CFAP53: variants seen among roughly 807,000 people sequenced by gnomAD.
CFAP53 encodes the protein cilia- and flagella-associated protein 53.
A neutral mutation model predicts 59.7 loss-of-function variants in CFAP53; 62 were observed. The observed-to-expected ratio is 1.04, with a 90% CI of 0.85 to 1.28. The LOEUF is 1.28. Among genes scored for constraint, CFAP53 ranks in the 50% most tolerant of loss-of-function variants. CFAP53 has a pLI of 0.00. For synonymous variants in CFAP53, 218 were observed against 205.7 expected, an observed-to-expected ratio of 1.06 and a Z score of -0.51; for missense variants, 629 against 615.6, an observed-to-expected ratio of 1.02 and a Z score of -0.23.
chr18:50,264,743 C>T lies in CFAP53; in HGVS notation c.69+1593G>A, dbSNP rs972218467. ...CTTAGGTGCAAAGTATTCAATAAGC[C>T]CGCTTCTCTGGTTTAGTGTTTTTGT... is the stretch of plus-strand genomic sequence containing the variant. On this transcript the variant is annotated intron_variant, in intron 1 of 7. Transcript: ENST00000398545. 2.0e-5 allele frequency among the ~76,000 whole-genome samples: 3 copies of T among 152,212 alleles called. No homozygotes were observed. In the South Asian group the frequency reaches 6.2e-4, roughly 31 times the overall value.
At chr18:50,233,901 C>T (rs1276796466) in intron 7 of CFAP53, among the ~76,000 whole-genome samples, 1 of 152,194 alleles carries the variant, frequency 6.6e-6, no homozygotes, top group Admixed American at 6.5e-5. Flanking sequence ...GGAGGGGAGC[C>T]TAGGCCAATT....
intron 6 of CFAP53, among the ~76,000 whole-genome samples, chr18:50,240,250 C>G (rs1232820411): frequency 1.3e-5 from 2 of 151,924 alleles, no homozygotes; most frequent in Admixed American, 1.3e-4. Context: ...CTGACTCATT[C>G]TGATCACCTA....
chr18:50,227,604 T>C lies in CFAP53; in HGVS notation c.1322A>G (p.Gln441Arg), dbSNP rs2033537852. ...CEEKENFARR[Q>R]RLAQEYRKQL... ...CTTCCTGTACTCCTGGGCTAAACGTTGGCGTCTAAAGTATTAGAAATGTCA... is the reference window on the plus strand; with the variant it reads ...CTTCCTGTACTCCTGGGCTAAACGTCGGCGTCTAAAGTATTAGAAATGTCA... Residue 441 changes from glutamine to arginine, a missense_variant, in exon 8 of 8, where the codon CAA becomes CGA. Coordinates refer to ENST00000398545, the MANE Select transcript of CFAP53 (RefSeq NM_145020.5). 1 of 1,612,814 alleles carries C rather than the reference T, an allele frequency of 6.2e-7. No homozygotes were observed. The highest frequency in any genetic ancestry group is 1.1e-5 in the South Asian group (1 of 91,062).
chr18:50,259,510 A>G (rs559211414), intron 3 of CFAP53, among the ~76,000 whole-genome samples: 6 of 152,232 alleles, frequency 3.9e-5, no homozygotes, highest in African/African-American at 1.4e-4. Flanking sequence ...AAAAAAAAAA[A>G]AAAGAATGAA....
chr18:50,264,206 A>G (rs2033917651), intron 1 of CFAP53, among the ~76,000 whole-genome samples: 1 of 152,244 alleles, frequency 6.6e-6, no homozygotes. Flanking sequence ...CCTATTGGAC[A>G]TCACAGCTCT....
At chr18:50,235,249 G>T (rs2033621984) in intron 7 of CFAP53, among the ~76,000 whole-genome samples, 5 of 152,192 alleles carry the variant, frequency 3.3e-5, no homozygotes, top group Admixed American at 1.3e-4. Context: ...GCTATGGGTT[G>T]CCCTACTTCT....
intron 4 of CFAP53, 39 bp from the exon 5 acceptor site, chr18:50,251,015 G>C (rs769053101): frequency 7.1e-6 from 11 of 1,542,784 alleles, no homozygotes; most frequent in Non-Finnish European, 9.8e-6. Flanking sequence ...CATCAGTACA[G>C]TTGGACAAGA....
At chr18:50,251,327 T>G (rs1214852697) in intron 4 of CFAP53, among the ~76,000 whole-genome samples, 154 bp downstream of exon 4, 1 of 152,206 alleles carries the variant, frequency 6.6e-6, no homozygotes, top group African/African-American at 2.4e-5. Flanking sequence ...CACCACACAT[T>G]TGGATACATT....
intron 6 of CFAP53, among the ~76,000 whole-genome samples, chr18:50,240,874 G>A (rs1201873070): frequency 1.3e-5 from 2 of 152,140 alleles, no homozygotes; most frequent in South Asian, 2.1e-4. Context: ...GTTTATTGCC[G>A]CTCTGGTCCA....
chr18:50,242,106 C>T (rs1436976844), intron 6 of CFAP53, among the ~76,000 whole-genome samples: 4 of 152,246 alleles, frequency 2.6e-5, no homozygotes, highest in Non-Finnish European at 5.9e-5. Flanking sequence ...AAAAACATGG[C>T]TCTATTCTGC....
At position 50,250,920 on chromosome 18, in the gene CFAP53, C is replaced by A; in HGVS notation, c.834G>T (p.Gln278His). ...HENEQDMLKK[Q>H]KAKQETRTIL... ...TGGTCCTAGTTTCCTGCTTTGCCTTCTGTTTCTTTAGCATATCCTGTTCAT... is the reference window on the plus strand; with the variant it reads ...TGGTCCTAGTTTCCTGCTTTGCCTTATGTTTCTTTAGCATATCCTGTTCAT... The change falls in exon 5 of 8, where the codon CAG becomes CAT. Residue 278 changes from glutamine to histidine, a missense_variant. Transcript: ENST00000398545. 2 of 1,614,168 alleles carry A rather than the reference C, an allele frequency of 1.2e-6. No homozygotes were observed. The highest frequency in any genetic ancestry group is 1.7e-6 in the Non-Finnish European group (2 of 1,180,038).
chr18:50,261,232 C>T lies in CFAP53; in HGVS notation c.305G>A (p.Arg102His), dbSNP rs76722120. 1.2e-3 allele frequency: 1,799 copies of T among 1,461,570 alleles called. 19 individuals are homozygous for T. In the African/African-American group the frequency reaches 0.023, roughly 19 times the overall value. 90.5% of individuals were successfully genotyped at this position (1,461,570 alleles called of 1,614,324 possible). A position where few individuals can be genotyped will look rare whatever the true frequency, so the allele number is the denominator to read the frequency against. The part of the protein sequence containing the change: ...INIEERRNKL[R>H]ELLALEENEY... ...ATTTTCTTCTAATGCTAAAAGCTCA[C>T]GTAGCCTGAAACAAAAAGCCAAAAA... is the stretch of plus-strand genomic sequence containing the variant. Residue 102 changes from arginine to histidine, a missense_variant, in exon 3 of 8, where the codon CGT becomes CAT. By Grantham distance (29) the Arg-to-His change is conservative. Transcript: ENST00000398545.
chr18:50,261,884 AAC>A, intron 2 of CFAP53, 104 bp downstream of exon 2: 1 of 760,160 alleles, frequency 1.3e-6, no homozygotes, highest in Non-Finnish European at 2.2e-6. Context: ...ATTTAATATA[AAC>A]ATCTCAGCCA....
Position 50,262,147 on chromosome 18 carries a change from T to C in CFAP53, c.142A>G (p.Asn48Asp), listed in dbSNP as rs1403446022. The C allele has an allele frequency of 5.6e-6, 9 of 1,614,098 alleles. No homozygotes were observed. The highest frequency in any genetic ancestry group is 2.2e-5 in the East Asian group (1 of 44,900). Reference protein sequence around the residue: ...ERIRRSHQKHNAILASIKSSE... With the variant: ...ERIRRSHQKHDAILASIKSSE... Reference sequence around the variant, plus strand: ...GACTTAATGGAAGCCAAAATAGCATTATGCTTCTGATGGCTGCGTCGGATT... The same window carrying C: ...GACTTAATGGAAGCCAAAATAGCATCATGCTTCTGATGGCTGCGTCGGATT... The change falls in exon 2 of 8, where the codon AAT becomes GAT. Residue 48 changes from asparagine to aspartate, a missense_variant. Transcript: ENST00000398545.
At chr18:50,230,329 C>T (rs983536683) in intron 7 of CFAP53, among the ~76,000 whole-genome samples, 4 of 152,152 alleles carry the variant, frequency 2.6e-5, no homozygotes, top group Non-Finnish European at 5.9e-5. Flanking sequence ...CTTTCAGCCC[C>T]ACCCACTGAC....
At chr18:50,252,639 T>C (rs2144424789) in intron 3 of CFAP53, among the ~76,000 whole-genome samples, 1 of 151,974 alleles carries the variant, frequency 6.6e-6, no homozygotes, top group Admixed American at 6.5e-5. Flanking sequence ...AAAATCCTAG[T>C]CTGAAGTGAC....
chr18:50,245,720 A>G (rs375941522), intron 5 of CFAP53, among the ~76,000 whole-genome samples: 4 of 152,258 alleles, frequency 2.6e-5, no homozygotes, highest in African/African-American at 9.6e-5. Context: ...AATCTTTACC[A>G]AAATCTCAAC....
At chr18:50,239,093 A>G (rs547435411) in intron 6 of CFAP53, among the ~76,000 whole-genome samples, 1 of 149,592 alleles carries the variant, frequency 6.7e-6, no homozygotes, top group Admixed American at 6.7e-5. Flanking sequence ...TTATTTAAAT[A>G]TATAAAGCTC....
chr18:50,248,706 A>AC (rs1285605213), intron 5 of CFAP53, among the ~76,000 whole-genome samples: 2 of 150,204 alleles, frequency 1.3e-5, no homozygotes, highest in Non-Finnish European at 3.0e-5. Context: ...AATCACTTGA[A>AC]CCCGGGAGGT....
Sources: gnomAD v4.1 joint callset for allele counts (sites outside exome capture counted in the v4.1 genomes callset) on GRCh38, gnomAD v4.1.1 for gene constraint, MANE v1.5 for transcripts, NCBI Gene and HGNC (gene_info 2026-07-23, HGNC 2026-07-21) for gene names.